Variants in DIAPH2 observed in about 807,000 individuals in gnomAD.
DIAPH2 encodes protein diaphanous homolog 2.
In DIAPH2, 35 loss-of-function variants were observed where a neutral mutation model predicts 92.7. The ratio of observed to expected loss-of-function variants is 0.38; its 90% confidence interval spans 0.29 to 0.50. The LOEUF (loss-of-function observed/expected upper bound fraction) is 0.50. DIAPH2 is among the 20% of genes least tolerant of loss of function. The pLI is 0.94. For missense variants in DIAPH2, 701 were observed against 819.5 expected, an observed-to-expected ratio of 0.86 and a Z score of 1.77; for synonymous variants, 301 against 280.4, an observed-to-expected ratio of 1.07 and a Z score of -0.73.
chrX:96,805,457 T>G (rs2064617246), intron 4 of DIAPH2, among the ~76,000 whole-genome samples: 2 of 111,064 alleles, frequency 1.8e-5, no homozygotes, highest in South Asian at 7.8e-4. Context: ...TACTTGTTTC[T>G]CACTTTACTC....
intron 20 of DIAPH2, among the ~76,000 whole-genome samples, chrX:97,109,684 T>G (rs1307201157): frequency 9.0e-6 from 1 of 111,602 alleles, no homozygotes; most frequent in Non-Finnish European, 1.9e-5. Flanking sequence ...ACCTTACATG[T>G]ACTTCCTCTT....
chrX:97,570,241 A>G (rs1275384787), intron 26 of DIAPH2, among the ~76,000 whole-genome samples: 5 of 100,320 alleles, frequency 5.0e-5, no homozygotes, highest in African/African-American at 1.8e-4. Context: ...ATATGTATGT[A>G]TAGTGTTCAG....
chrX:97,347,423 G>C (rs769200286), intron 23 of DIAPH2, among the ~76,000 whole-genome samples: 15 of 109,864 alleles, frequency 1.4e-4, no homozygotes, highest in African/African-American at 4.9e-4. Context: ...ATATAGAGAT[G>C]TATATTAAAA....
intron 19 of DIAPH2, among the ~76,000 whole-genome samples, chrX:97,093,371 A>G (rs984596491): frequency 9.0e-6 from 1 of 111,321 alleles, no homozygotes; most frequent in Non-Finnish European, 1.9e-5. Flanking sequence ...TTTAATTTGC[A>G]GCTTGGCTTT....
chrX:96,975,452 C>T (rs144141081), intron 17 of DIAPH2, among the ~76,000 whole-genome samples: 3,335 of 111,625 alleles, frequency 0.03, 52 homozygotes, highest in Non-Finnish European at 0.047. Context: ...CTAACGTGTC[C>T]AGAGAGAGTT....
At chrX:97,042,004 T>C (rs1382521961) in intron 17 of DIAPH2, among the ~76,000 whole-genome samples, 1 of 111,653 alleles carries the variant, frequency 9.0e-6, no homozygotes, top group Non-Finnish European at 1.9e-5. Flanking sequence ...GAAGCTAGAC[T>C]ATCGGAGTTT....
chrX:96,721,096 T>C (rs1408275893), intron 1 of DIAPH2, among the ~76,000 whole-genome samples: 1 of 111,427 alleles, frequency 9.0e-6, no homozygotes, highest in Non-Finnish European at 1.9e-5. Flanking sequence ...CCAGAGTTTA[T>C]CTTGAAATCA....
At chrX:97,477,699 A>T (rs2070622156) in intron 26 of DIAPH2, among the ~76,000 whole-genome samples, 1 of 111,526 alleles carries the variant, frequency 9.0e-6, no homozygotes, top group Non-Finnish European at 1.9e-5. Context: ...TAAATAATCC[A>T]TTGTATTAGA....
chrX:96,913,655 TTG>T (rs1226737336), intron 7 of DIAPH2, among the ~76,000 whole-genome samples: 17 of 111,453 alleles, frequency 1.5e-4, no homozygotes, highest in Non-Finnish European at 3.0e-4. Context: ...GTTGACTTAT[TTG>T]CTAAGAACAT....
At chrX:97,328,019 T>C (rs1321124673) in intron 23 of DIAPH2, among the ~76,000 whole-genome samples, 1 of 112,726 alleles carries the variant, frequency 8.9e-6, no homozygotes, top group Non-Finnish European at 1.9e-5. Context: ...AGCAACCAGT[T>C]TTTTTCTGTA....
rs916243994 is a variant in DIAPH2, at chrX:97,348,457, G to C, written c.3009+177G>C. Among the ~76,000 whole-genome samples the C allele has an allele frequency of 1.1e-4, 12 of 111,496 alleles. No homozygotes were observed. In the East Asian group the frequency reaches 3.3e-3, roughly 31 times the overall value. ...GATAAAAATTAAGTTATAAGTCATGGCTGGCTTAACATAATGTGGACCTAA... is the reference window on the plus strand; with the variant it reads ...GATAAAAATTAAGTTATAAGTCATGCCTGGCTTAACATAATGTGGACCTAA... On this transcript the variant is annotated intron_variant, in intron 24 of 26. Transcript: ENST00000324765.
intron 24 of DIAPH2, among the ~76,000 whole-genome samples, chrX:97,349,841 A>T (rs534909644): frequency 9.0e-6 from 1 of 111,645 alleles, no homozygotes; most frequent in South Asian, 3.8e-4. Context: ...AGCTGATTAT[A>T]TGCTATGAAC....
chrX:96,860,397 CA>C (rs1428623479), intron 4 of DIAPH2, among the ~76,000 whole-genome samples: 3 of 111,380 alleles, frequency 2.7e-5, no homozygotes, highest in Non-Finnish European at 5.7e-5. Flanking sequence ...TTTAACATAC[CA>C]ATTGAGAAAT....
rs552899702 is a variant in DIAPH2, at chrX:97,562,174, T to G, written c.3242-37079T>G. ...GTAAGGTAGGGTTACTCTCCTCATT[T>G]TGCAGGTGAGGAGACTGAGAATTAG... On this transcript the variant is annotated intron_variant, in intron 26 of 26. Transcript: ENST00000324765. 1.3e-4 allele frequency among the ~76,000 whole-genome samples: 14 copies of G among 110,844 alleles called. No individual in the cohort carries two copies. The South Asian group carries it at 5.5e-3, about 44-fold the overall frequency.
At chrX:96,914,991 C>T (rs2065493817) in intron 7 of DIAPH2, among the ~76,000 whole-genome samples, 1 of 110,905 alleles carries the variant, frequency 9.0e-6, no homozygotes, top group Non-Finnish European at 1.9e-5. Flanking sequence ...TTTTTGGCCC[C>T]ATGGAGTTTA....
chrX:97,226,745 G>A (rs760641592), intron 22 of DIAPH2, among the ~76,000 whole-genome samples: 2 of 111,600 alleles, frequency 1.8e-5, no homozygotes, highest in South Asian at 7.4e-4. Context: ...ATTCCCTCAA[G>A]GACTTTAATC....
intron 23 of DIAPH2, among the ~76,000 whole-genome samples, chrX:97,327,390 C>T (rs2147662806): frequency 1.8e-5 from 2 of 110,478 alleles, no homozygotes; most frequent in African/African-American, 3.3e-5. Context: ...TGAGCTACCG[C>T]GCCCGGCCTA....
intron 26 of DIAPH2, among the ~76,000 whole-genome samples, chrX:97,542,074 A>G (rs765373074): frequency 8.9e-6 from 1 of 112,564 alleles, no homozygotes; most frequent in African/African-American, 3.2e-5. Flanking sequence ...GTTTTTGCAT[A>G]TAAGCCTACT....
chrX:96,742,589 C>T (rs1267844249), intron 3 of DIAPH2, among the ~76,000 whole-genome samples: 4 of 111,474 alleles, frequency 3.6e-5, no homozygotes, highest in Non-Finnish European at 7.5e-5. Context: ...TCTCTTTCCG[C>T]TAGCTCACAG....
Sources: allele counts gnomAD v4.1 joint callset (sites outside exome capture counted in the v4.1 genomes callset), GRCh38; gene constraint gnomAD v4.1.1; transcripts MANE v1.5; gene names NCBI Gene and HGNC (gene_info 2026-07-23, HGNC 2026-07-21).